Variants in MYH15 observed in about 807,000 individuals in gnomAD.
MYH15 encodes myosin heavy chain 15, also known as myosin-15.
In MYH15, 227 loss-of-function variants were observed where a neutral mutation model predicts 240.5. The ratio of observed to expected loss-of-function variants is 0.94; its 90% CI spans 0.85 to 1.05. The LOEUF is 1.05. Ranked by LOEUF, MYH15 falls within the 50% of genes least tolerant of loss-of-function variation. MYH15 has a pLI of 0.00. For synonymous variants in MYH15, 785 were observed against 796.7 expected, an observed-to-expected ratio of 0.99 and a Z score of 0.25; for missense variants, 2,217 against 2,247.5, an observed-to-expected ratio of 0.99 and a Z score of 0.27.
In MYH15 at chr3:108,501,753, G is replaced by T. The variant is rs201256099; in HGVS notation, c.298C>A (p.Leu100Met). The change falls in exon 3 of 41, where the codon CTG (leucine) becomes ATG (methionine). Residue 100 changes from leucine (L) to methionine (M), a missense_variant. Coordinates refer to ENST00000693548, the MANE Select transcript of MYH15 (RefSeq NM_014981.3). Reference sequence around the variant, plus strand: ...CCATAGCGCCGCTTCAGGGTATGCAGCACGGATGCCTCATTGAGGTGAGTC... The same window carrying T: ...CCATAGCGCCGCTTCAGGGTATGCATCACGGATGCCTCATTGAGGTGAGTC... ...MLTHLNEASV[L>M]HTLKRRYGQW... The T allele has an allele frequency of 9.3e-6, 15 of 1,614,072 alleles. No individual in the cohort carries two copies.
intron 17 of MYH15, 56 bp downstream of exon 17, chr3:108,460,244 T>C: frequency 3.7e-6 from 5 of 1,348,116 alleles, no homozygotes; most frequent in Non-Finnish European, 5.1e-6. Context: ...AACTAAATAA[T>C]AACATATGCA....
At chr3:108,477,191 CATT>C (rs1445450365) in intron 11 of MYH15, among the ~76,000 whole-genome samples, 3 of 152,124 alleles carry the variant, frequency 2.0e-5, no homozygotes, top group Non-Finnish European at 4.4e-5. Context: ...AACTTGAAAA[CATT>C]ATGCTAAGTG....
At chr3:108,439,294 T>G (rs555281590) in intron 24 of MYH15, among the ~76,000 whole-genome samples, 1 of 152,350 alleles carries the variant, frequency 6.6e-6, no homozygotes, top group South Asian at 2.1e-4. Context: ...ACACAACTTG[T>G]GGCTCACATA....
At chr3:108,488,793 G>A (rs1203884127) in intron 9 of MYH15, among the ~76,000 whole-genome samples, 1 of 152,168 alleles carries the variant, frequency 6.6e-6, no homozygotes, top group Non-Finnish European at 1.5e-5. Flanking sequence ...TCCCTTGGAT[G>A]TATTCCCAGT....
rs552400348 is a variant in MYH15, at chr3:108,465,674, G to A, written c.1555-860C>T. Among the ~76,000 whole-genome samples, 662 of 152,172 alleles carry A rather than the reference G, an allele frequency of 4.4e-3. 1 individual carries two copies. Among genetic ancestry groups the A allele is most frequent in the Non-Finnish European group, 7.3e-3 (499 of 67,980 alleles). On this transcript the variant is annotated intron_variant, in intron 14 of 40. Transcript: ENST00000693548. ...AAACAGATTGGGTGAGGTGGCTCAC[G>A]CCAGCACTTTGGGAGGCTGAGGCGG... is the stretch of plus-strand genomic sequence containing the variant.
At chr3:108,429,188 A>T (rs2082754805) in intron 26 of MYH15, among the ~76,000 whole-genome samples, 1 of 152,192 alleles carries the variant, frequency 6.6e-6, no homozygotes, top group Admixed American at 6.5e-5. Context: ...CGACCAAAAA[A>T]ACTGTTTAAG....
intron 22 of MYH15, among the ~76,000 whole-genome samples, chr3:108,444,121 C>T (rs1443917492): frequency 6.6e-6 from 1 of 151,036 alleles, no homozygotes; most frequent in Non-Finnish European, 1.5e-5. Flanking sequence ...ATATTGTGCA[C>T]ATGTACCCTA....
rs1194562270 is a variant in MYH15 at position 108,416,876 on chromosome 3, C to A, written c.3884G>T (p.Arg1295Met). The A allele has an allele frequency of 6.2e-7, 1 of 1,613,970 alleles. No individual in the cohort carries two copies. The highest frequency in any genetic ancestry group is 1.7e-5 in the Admixed American group (1 of 60,008). Residue 1295 changes from arginine to methionine, a missense_variant, in exon 29 of 41, where the codon AGG (arginine) becomes ATG (methionine). Physicochemically the swap from Arg to Met is moderately conservative, Grantham distance 91 (BLOSUM62 -1). Transcript: ENST00000693548. ...EKEALINQLS[R>M]EKSNFTRQIE... is the part of the protein sequence containing the mutation. ...CTGCCGAGTGAAGTTGCTCTTTTCC[C>A]TGGAAAGTTGGTTTATCAGAGCCTC...
At chr3:108,416,003 C>G (rs374250391) in intron 29 of MYH15, among the ~76,000 whole-genome samples, 30 of 152,230 alleles carry the variant, frequency 2.0e-4, no homozygotes, top group African/African-American at 7.2e-4. Context: ...CTTCTCAGAG[C>G]CTTGGTTTTT....
At chr3:108,395,696 T>C (rs1318290898) in intron 35 of MYH15, among the ~76,000 whole-genome samples, 1 of 151,168 alleles carries the variant, frequency 6.6e-6, no homozygotes, top group Non-Finnish European at 1.5e-5. Context: ...GTAATCTAGA[T>C]TGTCACAGCT....
intron 29 of MYH15, among the ~76,000 whole-genome samples, chr3:108,416,220 C>T (rs914126974): frequency 6.6e-6 from 1 of 152,108 alleles, no homozygotes; most frequent in Admixed American, 6.5e-5. Context: ...TCACAGTATA[C>T]GCCTTCATAG....
chr3:108,410,369 C>T (rs1346863679), intron 31 of MYH15, among the ~76,000 whole-genome samples: 1 of 151,838 alleles, frequency 6.6e-6, no homozygotes, highest in Non-Finnish European at 1.5e-5. Flanking sequence ...CAGAGGGGAA[C>T]TGAAGTTAAA....
At position 108,380,784 on chromosome 3, in the gene MYH15, T is replaced by C. The variant is rs1283973471; in HGVS notation, c.*761A>G. The C allele has an allele frequency of 6.6e-6, 1 of 152,334 alleles. No individual in the cohort carries two copies. Among genetic ancestry groups the C allele is most frequent in the Non-Finnish European group, 1.5e-5 (1 of 68,156 alleles). The allele number at this position is 152,334 out of a possible 1,614,324, so 9.4% of individuals were successfully genotyped here. Reference sequence around the variant, plus strand: ...GGTCTGTACACTGACCTTATGAGTATAAAATAGCTGCTGATCAAATTAATG... The same window carrying C: ...GGTCTGTACACTGACCTTATGAGTACAAAATAGCTGCTGATCAAATTAATG... On this transcript the variant is annotated 3_prime_UTR_variant, in exon 41 of 41. Coordinates refer to ENST00000693548, the MANE Select transcript of MYH15 (RefSeq NM_014981.3).
rs763565180 is a variant in MYH15 at position 108,492,560 on chromosome 3, C to T, written c.811G>A (p.Ala271Thr). The T allele has an allele frequency of 1.2e-6, 2 of 1,613,588 alleles. No individual in the cohort carries two copies. Among genetic ancestry groups the T allele is most frequent in the South Asian group, 1.1e-5 (1 of 91,016 alleles). Residue 271 changes from alanine (A) to threonine (T), a missense_variant, in exon 9 of 41, where the codon GCT becomes ACT. Ala to Thr is a moderately conservative substitution (Grantham distance 58). Transcript: ENST00000693548. Reference sequence around the variant, plus strand: ...AATATGTGGTAGTTCCTCTCTCCAGCCTGCTGGAAAATCACCCTGGACTTT... The same window carrying T: ...AATATGTGGTAGTTCCTCTCTCCAGTCTGCTGGAAAATCACCCTGGACTTT... ...LEKSRVIFQQ[A>T]GERNYHIFYQ...
At chr3:108,393,713 T>C (rs2082438184) in intron 36 of MYH15, among the ~76,000 whole-genome samples, 2 of 152,252 alleles carry the variant, frequency 1.3e-5, no homozygotes, top group African/African-American at 2.4e-5. Flanking sequence ...ACAGAAAGAA[T>C]TGTTTCTAGA....
the MYH15 span, among the ~76,000 whole-genome samples, chr3:108,537,420 TA>T: frequency 6.6e-6 from 1 of 152,198 alleles, no homozygotes; most frequent in Non-Finnish European, 1.5e-5. Flanking sequence ...GCCAATGTAT[TA>T]ATAATAGTAT....
At chr3:108,459,638 A>G (rs997774451) in intron 17 of MYH15, among the ~76,000 whole-genome samples, 189 bp from the exon 18 acceptor site, 1 of 152,210 alleles carries the variant, frequency 6.6e-6, no homozygotes, top group Non-Finnish European at 1.5e-5. Flanking sequence ...TGGCAAGTCA[A>G]TATTTATTTG....
chr3:108,429,668 TA>T (rs2107560940), intron 26 of MYH15, among the ~76,000 whole-genome samples: 1 of 152,316 alleles, frequency 6.6e-6, no homozygotes, highest in East Asian at 1.9e-4. Flanking sequence ...TAGATTAGGA[TA>T]GGGGAGAAAA....
intron 7 of MYH15, among the ~76,000 whole-genome samples, chr3:108,495,144 C>A (rs2083380852): frequency 6.6e-6 from 1 of 152,170 alleles, no homozygotes; most frequent in Non-Finnish European, 1.5e-5. Context: ...AAATAGGAAG[C>A]CTTCTGCAAA....
Sources: allele counts gnomAD v4.1 joint callset (sites outside exome capture counted in the v4.1 genomes callset), GRCh38; gene constraint gnomAD v4.1.1; transcripts MANE v1.5; gene names NCBI Gene and HGNC (gene_info 2026-07-23, HGNC 2026-07-21).